SLC30A9: variants seen among roughly 807,000 people sequenced by gnomAD.
SLC30A9 encodes the protein solute carrier family 30 member 9.
SLC30A9 carries 58 observed loss-of-function variants against 87.5 expected under a neutral mutation model. That is an observed-to-expected ratio of 0.66 (90% CI 0.54 to 0.82). The LOEUF (loss-of-function observed/expected upper bound fraction) is 0.82, where lower values mean the gene tolerates loss of function less well. Among genes scored for constraint, SLC30A9 ranks in the 40% least tolerant of loss-of-function variants. The pLI, the probability that SLC30A9 is intolerant of heterozygous loss-of-function variation, is 0.00. For synonymous variants in SLC30A9, 234 were observed against 233.0 expected (o/e 1.00, Z -0.04); for missense variants, 557 against 679.1 (o/e 0.82, Z 2.00).
intron 6 of SLC30A9, among the ~76,000 whole-genome samples, chr4:42,023,994 C>T (rs1213825233): frequency 6.6e-6 from 1 of 152,160 alleles, no homozygotes; most frequent in African/African-American, 2.4e-5. Context: ...CCCACCATGG[C>T]CTGTCCTCGG....
chr4:42,010,204 G>T (rs1715380457), intron 2 of SLC30A9, among the ~76,000 whole-genome samples: 1 of 152,124 alleles, frequency 6.6e-6, no homozygotes, highest in South Asian at 2.1e-4. Flanking sequence ...GTCAAGTGAA[G>T]TGGCTCACAC....
At chr4:42,073,203 T>C (rs1227332814) in intron 15 of SLC30A9, among the ~76,000 whole-genome samples, 5 of 152,152 alleles carry the variant, frequency 3.3e-5, no homozygotes, top group African/African-American at 9.7e-5. Context: ...TCTCTAGTTA[T>C]TGTTGTTGTA....
At chr4:42,015,769 G>A (rs942197844) in intron 2 of SLC30A9, among the ~76,000 whole-genome samples, 1 of 151,510 alleles carries the variant, frequency 6.6e-6, no homozygotes, top group Non-Finnish European at 1.5e-5. Context: ...CTCAACTATT[G>A]TGTCCATTCC....
At position 42,042,986 on chromosome 4, in the gene SLC30A9, C is replaced by A. The variant is rs564043476; in HGVS notation, c.737+3933C>A. Among the ~76,000 whole-genome samples the A allele has an allele frequency of 1.7e-4, 26 of 152,296 alleles. 1 individual carries two copies. Among genetic ancestry groups the A allele is most frequent in the African/African-American group, 5.5e-4 (23 of 41,552 alleles). ...TCCAGCAGACCTGCAGCAGAGAGGC[C>A]TGACTGTTAGAAAGAAAACTAACAA... On this transcript the variant is annotated intron_variant, in intron 8 of 17. Coordinates refer to ENST00000264451, the MANE Select transcript of SLC30A9 (RefSeq NM_006345.4).
chr4:42,061,192 A>G (rs1004326562), intron 10 of SLC30A9, among the ~76,000 whole-genome samples: 8 of 152,234 alleles, frequency 5.3e-5, no homozygotes, highest in African/African-American at 1.9e-4. Context: ...ATTTTCTGCA[A>G]TGATGGAAAT....
At chr4:42,031,519 T>C (rs191091908) in intron 6 of SLC30A9, among the ~76,000 whole-genome samples, 38 of 152,344 alleles carry the variant, frequency 2.5e-4, no homozygotes, top group Admixed American at 2.2e-3. Flanking sequence ...AAGCAATGAA[T>C]ATAGTTATTT....
chr4:42,034,638 T>C (rs1216754396), intron 6 of SLC30A9, among the ~76,000 whole-genome samples: 1 of 152,230 alleles, frequency 6.6e-6, no homozygotes, highest in African/African-American at 2.4e-5. Flanking sequence ...TCCATCATCA[T>C]ATGTATATAC....
intron 1 of SLC30A9, among the ~76,000 whole-genome samples, chr4:41,992,685 T>G (rs1399742575): frequency 6.6e-6 from 1 of 152,182 alleles, no homozygotes; most frequent in East Asian, 1.9e-4. Flanking sequence ...CTACAAAAAA[T>G]TAAAATTTTT....
At chr4:42,021,121 T>C (rs1715928043) in intron 4 of SLC30A9, among the ~76,000 whole-genome samples, 1 of 152,202 alleles carries the variant, frequency 6.6e-6, no homozygotes, top group African/African-American at 2.4e-5. Context: ...ACAGCCACTT[T>C]GGTATATATC....
chr4:42,076,974 A>AAAAAAAAG (rs200061915), intron 16 of SLC30A9, among the ~76,000 whole-genome samples: 81 of 141,232 alleles, frequency 5.7e-4, no homozygotes, highest in South Asian at 8.8e-4. Flanking sequence ...AAAAAAAAAA[A>AAAAAAAAG]AAAGAAAGAA....
At chr4:42,014,534 C>T (rs141839540) in intron 2 of SLC30A9, among the ~76,000 whole-genome samples, 1,452 of 144,708 alleles carry the variant, frequency 0.01, 26 homozygotes, top group African/African-American at 0.035. Flanking sequence ...TCCAGCCTGG[C>T]GACAGAGCGA....
At chr4:42,070,789 C>T (rs1718283518) in intron 15 of SLC30A9, 98 bp downstream of exon 15, 2 of 972,564 alleles carry the variant, frequency 2.1e-6, no homozygotes, top group South Asian at 2.4e-5. Context: ...GTTTTGGATT[C>T]CTCGTCTTCA....
rs148005698 is a variant in SLC30A9, at chr4:42,005,405, T to C, written c.274+3625T>C. ...CTTGTCTGTAGGATTTTCAGAGGAG[T>C]ATTTTTTTCTTCCCCACTATTTAAC... On this transcript the variant is annotated intron_variant, in intron 2 of 17. Transcript: ENST00000264451. Among the ~76,000 whole-genome samples the C allele has an allele frequency of 1.2e-4, 19 of 152,260 alleles. No individual in the cohort carries two copies. The East Asian group carries it at 3.3e-3, about 26-fold the overall frequency.
intron 6 of SLC30A9, among the ~76,000 whole-genome samples, chr4:42,026,478 T>C (rs1716196889): frequency 6.6e-6 from 1 of 152,232 alleles, no homozygotes; most frequent in South Asian, 2.1e-4. Context: ...AGGCTGACTT[T>C]ATTGTTATCT....
intron 2 of SLC30A9, among the ~76,000 whole-genome samples, chr4:42,008,192 G>A (rs896799195): frequency 6.6e-6 from 1 of 152,110 alleles, no homozygotes; most frequent in African/African-American, 2.4e-5. Flanking sequence ...TCTTTCCAAG[G>A]TGCCCTTCTC....
At chr4:42,081,674 A>C (rs1347370060) in intron 17 of SLC30A9, among the ~76,000 whole-genome samples, 7 of 152,162 alleles carry the variant, frequency 4.6e-5, no homozygotes, top group Admixed American at 1.3e-4. Flanking sequence ...TAATGGACTA[A>C]ATATTTGCTT....
In SLC30A9 at chr4:42,087,376, G is replaced by A. The variant is rs1234302143; in HGVS notation, c.*1250G>A. 1 of 152,188 alleles carries A rather than the reference G, an allele frequency of 6.6e-6. No homozygotes were observed. Among genetic ancestry groups the A allele is most frequent in the Non-Finnish European group, 1.5e-5 (1 of 68,036 alleles). The allele number at this position is 152,188 out of a possible 1,614,324, so 9.4% of individuals were successfully genotyped here. A position where few individuals can be genotyped will look rare whatever the true frequency, so the allele number is the denominator to read the frequency against. On this transcript the variant is annotated 3_prime_UTR_variant, in exon 18 of 18. Coordinates refer to ENST00000264451, the MANE Select transcript of SLC30A9 (RefSeq NM_006345.4). ...GTTCATATGAGAATGGCGGCTGGGT[G>A]ATCTCTTTGCTGAATTAATGAGTTC...
chr4:42,029,025 C>G (rs1052379167), intron 6 of SLC30A9, among the ~76,000 whole-genome samples: 3 of 152,226 alleles, frequency 2.0e-5, no homozygotes, highest in African/African-American at 7.2e-5. Flanking sequence ...TAATGTCAGT[C>G]AGCTTTATGT....
intron 15 of SLC30A9, among the ~76,000 whole-genome samples, chr4:42,075,060 T>TATATA (rs1491178262): frequency 3.2e-5 from 1 of 30,862 alleles, no homozygotes; most frequent in Non-Finnish European, 5.5e-5. Flanking sequence ...TATATATATA[T>TATATA]TTTTTTTTTT....
Sources: gnomAD v4.1 joint callset for allele counts (sites outside exome capture counted in the v4.1 genomes callset) on GRCh38, gnomAD v4.1.1 for gene constraint, MANE v1.5 for transcripts, NCBI Gene and HGNC (gene_info 2026-07-23, HGNC 2026-07-21) for gene names.